The following TESPA1 variants were observed in gnomAD, a reference collection of about 807,000 sequenced individuals.
The protein encoded by TESPA1 is thymocyte expressed, positive selection associated 1.
In TESPA1, 33 loss-of-function variants were observed where a neutral mutation model predicts 57.9. That is an observed-to-expected ratio of 0.57 (90% CI 0.43 to 0.76). The LOEUF (loss-of-function observed/expected upper bound fraction) is 0.76, where lower values mean the gene tolerates loss of function less well. TESPA1 is among the 30% of genes least tolerant of loss of function. TESPA1 has a pLI of 0.00. For missense variants in TESPA1, 618 were observed against 632.9 expected (o/e 0.98, Z 0.25); for synonymous variants, 227 against 228.9 (o/e 0.99, Z 0.07).
At chr12:54,973,256 G>A (rs560882359) in intron 3 of TESPA1, among the ~76,000 whole-genome samples, 94 of 152,142 alleles carry the variant, frequency 6.2e-4, no homozygotes, top group African/African-American at 2.0e-3. Context: ...CCTAGACCTC[G>A]TGCCTAATTT....
chr12:54,959,380 C>T (rs1240294359), intron 10 of TESPA1, among the ~76,000 whole-genome samples: 2 of 152,212 alleles, frequency 1.3e-5, no homozygotes, highest in Non-Finnish European at 2.9e-5. Flanking sequence ...GAATAGAATG[C>T]TCTGCTGCAT....
chr12:54,950,451 G>T (rs955517440), intron 10 of TESPA1, 61 bp from the exon 11 acceptor site: 3 of 399,416 alleles, frequency 7.5e-6, no homozygotes, highest in Non-Finnish European at 1.0e-5. Context: ...GGGTACTGAG[G>T]TTGGTAGGAA....
rs747363248 is a variant in TESPA1 at position 54,962,744 on chromosome 12, T to A, written c.1154A>T (p.Asn385Ile). Residue 385 changes from asparagine (N) to isoleucine (I), a missense_variant, in exon 9 of 11, where the codon AAC (asparagine) becomes ATC (isoleucine). Physicochemically the swap from Asn to Ile is moderately radical, Grantham distance 149 (BLOSUM62 -3). Coordinates refer to ENST00000449076, the MANE Select transcript of TESPA1 (RefSeq NM_001136030.3). ...VLAPSQTLDS[N>I]PKVPCCTHSL... ...ATGTGTGCAACAGGGTACCTTGGGG[T>A]TCGAATCCAGAGTTTGGGATGGTGC... 1.2e-6 allele frequency: 2 copies of A among 1,613,864 alleles called. No individual in the cohort carries two copies. The highest frequency in any genetic ancestry group is 1.1e-5 in the South Asian group (1 of 91,072).
At chr12:54,979,225 G>C (rs1025100329) in intron 1 of TESPA1, among the ~76,000 whole-genome samples, 1 of 152,068 alleles carries the variant, frequency 6.6e-6, no homozygotes. Context: ...ATATTTTCCA[G>C]AGTCTTTCAT....
At chr12:54,971,209 T>G (rs1951810353) in intron 3 of TESPA1, among the ~76,000 whole-genome samples, 1 of 152,248 alleles carries the variant, frequency 6.6e-6, no homozygotes, top group Non-Finnish European at 1.5e-5. Context: ...GGTCTTGGAA[T>G]AAAATTTGAA....
intron 1 of TESPA1, among the ~76,000 whole-genome samples, chr12:54,978,008 G>GT (rs112372429): frequency 0.073 from 10,796 of 147,494 alleles, 559 homozygotes; most frequent in East Asian, 0.25. Context: ...ACAAGAAACC[G>GT]TTTTTTTTTT....
intron 10 of TESPA1, among the ~76,000 whole-genome samples, chr12:54,956,131 G>A (rs1330329384): frequency 6.6e-6 from 1 of 152,160 alleles, no homozygotes; most frequent in Non-Finnish European, 1.5e-5. Context: ...TCAAAGAGAA[G>A]ACTGTAGCTA....
intron 3 of TESPA1, among the ~76,000 whole-genome samples, chr12:54,969,524 C>T (rs1951688652): frequency 1.3e-5 from 2 of 152,024 alleles, no homozygotes; most frequent in Admixed American, 6.6e-5. Flanking sequence ...TGCATAGGTT[C>T]CCCCAAGTAA....
At chr12:54,951,080 A>G (rs1386805) in intron 10 of TESPA1, among the ~76,000 whole-genome samples, 31,191 of 151,992 alleles carry the variant, frequency 0.21, 5,446 homozygotes, top group East Asian at 0.84. Context: ...TCCCTGATAT[A>G]GTTTGGCTCT....
rs2136187142 is a variant in TESPA1 at position 54,973,538 on chromosome 12, A to G, written c.164-19T>C. Reference sequence around the variant, plus strand: ...GGATTCCCTAGAAAAGTCAGACACTAGATCACTGTGAGAACTGAACGAAAT... The same window carrying G: ...GGATTCCCTAGAAAAGTCAGACACTGGATCACTGTGAGAACTGAACGAAAT... On this transcript the variant is annotated intron_variant, in intron 2 of 10. Transcript: ENST00000449076. 1 of 1,614,036 alleles carries G rather than the reference A, an allele frequency of 6.2e-7. No individual in the cohort carries two copies.
chr12:54,950,642 AT>A (rs1375293492), intron 10 of TESPA1, among the ~76,000 whole-genome samples: 1 of 152,120 alleles, frequency 6.6e-6, no homozygotes, highest in African/African-American at 2.4e-5. Context: ...TTATACCTTT[AT>A]TTTTTTGTAT....
rs1951251131 is a variant in TESPA1 at position 54,963,970 on chromosome 12, G to A, written c.447-20C>T. 3.1e-6 allele frequency: 5 copies of A among 1,608,014 alleles called. No individual in the cohort carries two copies. Among genetic ancestry groups the A allele is most frequent in the Non-Finnish European group, 4.3e-6 (5 of 1,174,848 alleles). ...GAGATGCTGAAATGAGGGAGTTTGG[G>A]TAAATAAGGGACAACTTTGAGACAC... On this transcript the variant is annotated intron_variant, in intron 7 of 10. Transcript: ENST00000449076.
rs1170038188 is a variant in TESPA1 at position 54,950,198 on chromosome 12, T to C, written c.*194A>G. 1 of 449,620 alleles carries C rather than the reference T, an allele frequency of 2.2e-6. No homozygotes were observed. The highest frequency in any genetic ancestry group is 4.5e-6 in the Non-Finnish European group (1 of 223,888). The allele number at this position is 449,620 out of a possible 1,614,324, so 27.9% of individuals were successfully genotyped here. On this transcript the variant is annotated 3_prime_UTR_variant, in exon 11 of 11. Coordinates refer to ENST00000449076, the MANE Select transcript of TESPA1 (RefSeq NM_001136030.3). ...CTTGTGGCAGCATTAGGATGTGGAT[T>C]CCAAATCGCTCAGTCTGGTCTTCCT...
chr12:54,959,480 G>A (rs986423385), intron 10 of TESPA1, among the ~76,000 whole-genome samples: 3 of 152,210 alleles, frequency 2.0e-5, no homozygotes, highest in African/African-American at 7.2e-5. Context: ...TGAGCTCCTA[G>A]AAGTAAGACT....
intron 1 of TESPA1, among the ~76,000 whole-genome samples, chr12:54,979,631 T>A (rs928818275): frequency 6.6e-6 from 1 of 152,192 alleles, no homozygotes; most frequent in Non-Finnish European, 1.5e-5. Flanking sequence ...GAAATTGTAG[T>A]AGATAGGATT....
chr12:54,953,256 C>T (rs12231359), intron 10 of TESPA1, among the ~76,000 whole-genome samples: 31,192 of 152,018 alleles, frequency 0.21, 5,453 homozygotes, highest in East Asian at 0.84. Flanking sequence ...ATAGGAGACT[C>T]TGTTTTATAA....
At chr12:54,975,899 G>GA (rs1453590915) in intron 1 of TESPA1, among the ~76,000 whole-genome samples, 1 of 151,990 alleles carries the variant, frequency 6.6e-6, no homozygotes, top group Non-Finnish European at 1.5e-5. Context: ...ACATACCTAG[G>GA]AAAAAATAAT....
chr12:54,967,314 C>A, intron 4 of TESPA1, 78 bp from the exon 5 acceptor site: 1 of 1,485,504 alleles, frequency 6.7e-7, no homozygotes, highest in Non-Finnish European at 9.2e-7. Flanking sequence ...CCTGCATACA[C>A]GAACATCTTC....
chr12:54,983,114 G>A (rs941965405), intron 1 of TESPA1, among the ~76,000 whole-genome samples: 4 of 152,170 alleles, frequency 2.6e-5, no homozygotes, highest in Non-Finnish European at 4.4e-5. Context: ...TGGCTGAGAC[G>A]AGACCTCCAT....
Sources: gnomAD v4.1 joint callset for allele counts (sites outside exome capture counted in the v4.1 genomes callset) on GRCh38, gnomAD v4.1.1 for gene constraint, MANE v1.5 for transcripts, NCBI Gene and HGNC (gene_info 2026-07-23, HGNC 2026-07-21) for gene names.